The following CCDC81 variants were observed in gnomAD, a reference collection of about 807,000 sequenced individuals.
CCDC81 encodes the protein coiled-coil domain-containing protein 81.
Under a neutral mutation model 83.7 loss-of-function variants are expected in CCDC81, and 79 were observed. That is an observed-to-expected ratio of 0.94 (90% CI 0.79 to 1.14). The LOEUF is 1.14. Ranked by LOEUF, CCDC81 falls within the 50% of genes most tolerant of loss-of-function variation. The pLI is 0.00. For synonymous variants in CCDC81, 252 were observed against 278.1 expected (o/e 0.91, Z 0.93); for missense variants, 791 against 778.1 (o/e 1.02, Z -0.20).
At chr11:86,395,091 T>TA (rs1362000964) in intron 4 of CCDC81, 6 of 336,958 alleles carry the variant, frequency 1.8e-5, no homozygotes, top group Non-Finnish European at 3.2e-5. Context: ...GGCAATTCCC[T>TA]AAAAGGAAAT....
intron 1 of CCDC81, among the ~76,000 whole-genome samples, chr11:86,380,273 A>G (rs1346598113): frequency 6.6e-6 from 1 of 151,632 alleles, no homozygotes; most frequent in Non-Finnish European, 1.5e-5. Flanking sequence ...GTCTTATGGT[A>G]CTCTCTTTTT....
chr11:86,388,220 CCT>C, intron 3 of CCDC81, among the ~76,000 whole-genome samples: 1 of 149,690 alleles, frequency 6.7e-6, no homozygotes, highest in South Asian at 2.2e-4. Flanking sequence ...CTCCTTCCTT[CCT>C]TCCTTCCTTC....
chr11:86,404,190 AG>A (rs966300050), intron 7 of CCDC81, among the ~76,000 whole-genome samples: 7 of 152,232 alleles, frequency 4.6e-5, no homozygotes, highest in African/African-American at 1.4e-4. Flanking sequence ...TTAGGGAATC[AG>A]CATTCGCCCC....
At chr11:86,384,082 A>G (rs1207570386) in intron 1 of CCDC81, among the ~76,000 whole-genome samples, 1 of 152,166 alleles carries the variant, frequency 6.6e-6, no homozygotes, top group African/African-American at 2.4e-5. Flanking sequence ...TTTCATCTTC[A>G]GTGTAGTTGT....
In CCDC81 at chr11:86,395,328, C is replaced by A. The variant is rs760212492; in HGVS notation, c.556-6C>A. The A allele has an allele frequency of 5.6e-6, 9 of 1,613,620 alleles. No homozygotes were observed. The highest frequency in any genetic ancestry group is 6.8e-6 in the Non-Finnish European group (8 of 1,179,618). On this transcript the variant is annotated splice_region_variant and splice_polypyrimidine_tract_variant and intron_variant, in intron 4 of 14. Transcript: ENST00000445632. ...GATGTAACCTTGCTCTGTTGCTGTC[C>A]TCTAGAGGCCTGGCACTGTGGACTC...
chr11:86,392,831 C>T lies in CCDC81; in HGVS notation c.555+34C>T, dbSNP rs888476878. On this transcript the variant is annotated intron_variant, in intron 4 of 14. Transcript: ENST00000445632. ...ATATTTTCCTTCTCCTAAGTCTTCT[C>T]CTAATTGTGGTTCTGACTCATCTAT... is the stretch of plus-strand genomic sequence containing the variant. 4 of 1,532,272 alleles carry T rather than the reference C, an allele frequency of 2.6e-6. No homozygotes were observed. The African/African-American group carries it at 5.6e-5, about 21-fold the overall frequency. 94.9% of individuals were successfully genotyped at this position (1,532,272 alleles called of 1,614,324 possible). A position where few individuals can be genotyped will look rare whatever the true frequency, so the allele number is the denominator to read the frequency against.
intron 5 of CCDC81, 96 bp from the exon 6 acceptor site, chr11:86,397,525 T>G: frequency 6.9e-7 from 1 of 1,449,828 alleles, no homozygotes; most frequent in Non-Finnish European, 9.2e-7. Context: ...TATTTCAGAA[T>G]CAGCCAGCTG....
In CCDC81 at chr11:86,381,709, A is replaced by T. The variant is rs576522755; in HGVS notation, c.80-4342A>T. On this transcript the variant is annotated intron_variant, in intron 1 of 14. Coordinates refer to ENST00000445632, the MANE Select transcript of CCDC81 (RefSeq NM_001156474.2). ...CTTATGGACCCAAGAAGAGTTGTTG[A>T]TTTTTCTGTCTGGTCAACTTTTTAG... is the stretch of plus-strand genomic sequence containing the variant. 8.5e-5 allele frequency among the ~76,000 whole-genome samples: 13 copies of T among 152,098 alleles called. No homozygotes were observed. In the South Asian group the frequency reaches 2.7e-3, roughly 32 times the overall value.
intron 10 of CCDC81, among the ~76,000 whole-genome samples, chr11:86,411,299 T>C (rs1218636565): frequency 6.6e-6 from 1 of 152,156 alleles, no homozygotes. Context: ...TAATGTTCCT[T>C]CTGTATGGAA....
intron 7 of CCDC81, among the ~76,000 whole-genome samples, chr11:86,404,801 A>C (rs1462577982): frequency 6.6e-6 from 1 of 152,240 alleles, no homozygotes. Flanking sequence ...GGGAGTGTAG[A>C]CTTATACAAT....
intron 14 of CCDC81, among the ~76,000 whole-genome samples, chr11:86,421,535 C>G (rs1317561159): frequency 6.6e-6 from 1 of 152,194 alleles, no homozygotes. Flanking sequence ...TGGTCTTGAT[C>G]TCCTGACCTC....
At chr11:86,388,432 C>T (rs7110871) in intron 3 of CCDC81, among the ~76,000 whole-genome samples, 23,217 of 152,036 alleles carry the variant, frequency 0.15, 2,157 homozygotes, top group African/African-American at 0.26. Flanking sequence ...GTGTTCCTTT[C>T]GACCTTCCTG....
Position 86,400,714 on chromosome 11 carries a change from C to G in CCDC81, c.794C>G (p.Ala265Gly). The G allele has an allele frequency of 1.2e-6, 2 of 1,612,966 alleles. No individual in the cohort carries two copies. The highest frequency in any genetic ancestry group is 1.7e-6 in the Non-Finnish European group (2 of 1,179,126). The change falls in exon 7 of 15, where the codon GCT becomes GGT. Residue 265 changes from alanine to glycine, a missense_variant. Coordinates refer to ENST00000445632, the MANE Select transcript of CCDC81 (RefSeq NM_001156474.2). ...SSPKRLRDRQ[A>G]LFPAKVTNVS... ...CCCAAAAGACTTCGAGATAGACAAG[C>G]TTTGTTCCCTGCCAAAGTGACAAAT...
chr11:86,399,324 GTTC>G (rs766312678), intron 6 of CCDC81, among the ~76,000 whole-genome samples: 21 of 152,032 alleles, frequency 1.4e-4, no homozygotes, highest in Non-Finnish European at 2.5e-4. Context: ...ATCTATTCAT[GTTC>G]TTCTTTTTCT....
At chr11:86,409,473 G>A (rs1948608852) in intron 10 of CCDC81, 108 bp downstream of exon 10, 2 of 507,242 alleles carry the variant, frequency 3.9e-6, no homozygotes, top group Non-Finnish European at 3.4e-6. Flanking sequence ...TATTTTTTGA[G>A]ATGGAGTCTT....
In CCDC81 at chr11:86,400,709, A is replaced by T. The variant is rs762925420; in HGVS notation, c.789A>T (p.Arg263Ser). 73 of 1,612,506 alleles carry T rather than the reference A, an allele frequency of 4.5e-5. No individual in the cohort carries two copies. Among genetic ancestry groups the T allele is most frequent in the Non-Finnish European group, 5.7e-5 (67 of 1,178,722 alleles). ...CATCACCCAAAAGACTTCGAGATAG[A>T]CAAGCTTTGTTCCCTGCCAAAGTGA... ...DISSPKRLRDRQALFPAKVTN... is the reference protein window; with the variant it reads ...DISSPKRLRDSQALFPAKVTN... Residue 263 changes from arginine (R) to serine (S), a missense_variant, in exon 7 of 15, where the codon AGA becomes AGT. Coordinates refer to ENST00000445632, the MANE Select transcript of CCDC81 (RefSeq NM_001156474.2).
At chr11:86,381,360 C>T (rs1948174512) in intron 1 of CCDC81, among the ~76,000 whole-genome samples, 1 of 152,164 alleles carries the variant, frequency 6.6e-6, no homozygotes, top group Non-Finnish European at 1.5e-5. Flanking sequence ...TTTTCTTCCT[C>T]CCACCTGAAG....
intron 1 of CCDC81, among the ~76,000 whole-genome samples, chr11:86,384,194 C>T (rs1948209891): frequency 1.3e-5 from 2 of 152,184 alleles, no homozygotes; most frequent in Non-Finnish European, 2.9e-5. Flanking sequence ...CATCTGGATA[C>T]TGAGATTTTG....
chr11:86,385,806 T>G (rs1948234681), intron 1 of CCDC81, among the ~76,000 whole-genome samples: 1 of 152,214 alleles, frequency 6.6e-6, no homozygotes, highest in Non-Finnish European at 1.5e-5. Context: ...TAGAAATATT[T>G]TCTTTAAAAA....
Sources: allele counts gnomAD v4.1 joint callset (sites outside exome capture counted in the v4.1 genomes callset), GRCh38; gene constraint gnomAD v4.1.1; transcripts MANE v1.5; gene names NCBI Gene and HGNC (gene_info 2026-07-23, HGNC 2026-07-21).